ARB2A: variants seen among roughly 807,000 people sequenced by gnomAD.
The protein encoded by ARB2A is cotranscriptional regulator ARB2A.
the ARB2A span, among the ~76,000 whole-genome samples, chr5:93,849,918 T>C: frequency 6.1e-4 from 93 of 152,320 alleles, no homozygotes; most frequent in African/African-American, 2.2e-3. Flanking sequence ...CAGCCAATAT[T>C]TTTCAAGTGC....
the ARB2A span, among the ~76,000 whole-genome samples, chr5:93,855,270 A>G: frequency 6.6e-6 from 1 of 152,294 alleles, no homozygotes; most frequent in Admixed American, 6.5e-5. Context: ...ATCAGAGACT[A>G]GGATTGCAAC....
chr5:93,918,374 A>G, the ARB2A span, among the ~76,000 whole-genome samples: 2 of 151,980 alleles, frequency 1.3e-5, no homozygotes, highest in African/African-American at 4.8e-5. Flanking sequence ...AAGTAACTTA[A>G]CTTTACATTC....
At chr5:94,085,644 A>G in the ARB2A span, among the ~76,000 whole-genome samples, 1 of 152,216 alleles carries the variant, frequency 6.6e-6, no homozygotes, top group Non-Finnish European at 1.5e-5. Context: ...TCAATGTGGT[A>G]GAAGTTTATA....
the ARB2A span, among the ~76,000 whole-genome samples, chr5:93,678,145 C>A: frequency 1.3e-5 from 2 of 152,150 alleles, no homozygotes; most frequent in Non-Finnish European, 2.9e-5. Flanking sequence ...GCACCAAATC[C>A]CAGACAATAC....
At chr5:94,096,519 G>C in the ARB2A span, among the ~76,000 whole-genome samples, 3 of 152,150 alleles carry the variant, frequency 2.0e-5, no homozygotes, top group Non-Finnish European at 4.4e-5. Context: ...AGTTACACTG[G>C]TGGTTATAAT....
the ARB2A span, among the ~76,000 whole-genome samples, chr5:93,626,338 A>G: frequency 6.6e-6 from 1 of 152,216 alleles, no homozygotes; most frequent in East Asian, 1.9e-4. Flanking sequence ...TTACTGGTAA[A>G]CAGTAAAAAG....
At chr5:94,029,834 T>A in the ARB2A span, among the ~76,000 whole-genome samples, 1 of 152,232 alleles carries the variant, frequency 6.6e-6, no homozygotes, top group Admixed American at 6.5e-5. Flanking sequence ...AAGAGCTGTA[T>A]AATGGCGTAT....
chr5:94,075,103 CTAA>C, the ARB2A span, among the ~76,000 whole-genome samples: 1 of 151,980 alleles, frequency 6.6e-6, no homozygotes, highest in South Asian at 2.1e-4. Context: ...TACCTATCAC[CTAA>C]TGTTTTTAAA....
the ARB2A span, among the ~76,000 whole-genome samples, chr5:94,084,809 A>C: frequency 6.6e-6 from 1 of 152,196 alleles, no homozygotes; most frequent in Non-Finnish European, 1.5e-5. Flanking sequence ...TTAACTGCAC[A>C]ATTTTAAAAA....
At chr5:93,865,491 A>G in the ARB2A span, 1 of 985,332 alleles carries the variant, frequency 1.0e-6, no homozygotes. Context: ...ATACTAAGAC[A>G]ATGTAACCTA....
the ARB2A span, among the ~76,000 whole-genome samples, chr5:94,094,331 AG>A: frequency 6.6e-6 from 1 of 152,186 alleles, no homozygotes; most frequent in Non-Finnish European, 1.5e-5. Flanking sequence ...GTAAAGAGAA[AG>A]TGACCAGGAG....
At chr5:93,717,703 CCTAA>C in the ARB2A span, among the ~76,000 whole-genome samples, 2 of 151,932 alleles carry the variant, frequency 1.3e-5, no homozygotes, top group African/African-American at 4.8e-5. Flanking sequence ...TGCACTTGTT[CCTAA>C]CTTTCTATTA....
the ARB2A span, among the ~76,000 whole-genome samples, chr5:93,691,226 C>T: frequency 4.6e-5 from 7 of 151,938 alleles, no homozygotes; most frequent in Non-Finnish European, 1.0e-4. Flanking sequence ...TAACAAACTC[C>T]TCTGAGCTAT....
the ARB2A span, among the ~76,000 whole-genome samples, chr5:94,101,757 TAAAG>T: frequency 1.3e-5 from 2 of 151,738 alleles, no homozygotes; most frequent in African/African-American, 4.8e-5. Context: ...CTCATGAACA[TAAAG>T]AAAGGAACAA....
At chr5:93,709,643 A>AC in the ARB2A span, among the ~76,000 whole-genome samples, 6 of 149,658 alleles carry the variant, frequency 4.0e-5, no homozygotes, top group African/African-American at 1.5e-4. Context: ...AAAAAAAAAA[A>AC]AAAAAAAAAA....
the ARB2A span, among the ~76,000 whole-genome samples, chr5:93,729,739 T>C: frequency 5.3e-5 from 8 of 152,126 alleles, no homozygotes; most frequent in Non-Finnish European, 2.9e-5. Context: ...AAAATGAATA[T>C]GCATATCTGT....
chr5:93,878,815 G>A, the ARB2A span, among the ~76,000 whole-genome samples: 1 of 151,872 alleles, frequency 6.6e-6, no homozygotes, highest in African/African-American at 2.4e-5. Flanking sequence ...TACATATTTT[G>A]TTTTCAATCT....
chr5:93,914,689 G>A, the ARB2A span, among the ~76,000 whole-genome samples: 86 of 151,566 alleles, frequency 5.7e-4, no homozygotes, highest in East Asian at 1.7e-3. Flanking sequence ...TCCCAAATCC[G>A]GAATAAAATA....
At chr5:94,018,918 A>G in the ARB2A span, among the ~76,000 whole-genome samples, 7 of 152,200 alleles carry the variant, frequency 4.6e-5, no homozygotes, top group Non-Finnish European at 1.0e-4. Context: ...ACTATACTAC[A>G]AAGCTACAGT....
Sources: gnomAD v4.1 joint callset for allele counts (sites outside exome capture counted in the v4.1 genomes callset) on GRCh38, gnomAD v4.1.1 for gene constraint, MANE v1.5 for transcripts, NCBI Gene and HGNC (gene_info 2026-07-23, HGNC 2026-07-21) for gene names.